The following LHFPL3 variants were observed in gnomAD, a reference collection of about 807,000 sequenced individuals.
The protein encoded by LHFPL3 is LHFPL tetraspan subfamily member 3, also known as LHFPL tetraspan subfamily member 3 protein.
In LHFPL3, 5 loss-of-function variants were observed where a neutral mutation model predicts 19.3. The ratio of observed to expected loss-of-function variants is 0.26; its 90% CI spans 0.14 to 0.54. LHFPL3 has a LOEUF of 0.54. Ranked by LOEUF, LHFPL3 falls within the 20% of genes least tolerant of loss-of-function variation. LHFPL3 has a pLI of 0.94. For missense variants in LHFPL3, 249 were observed against 307.4 expected (o/e 0.81, Z 1.42); for synonymous variants, 133 against 126.2 (o/e 1.05, Z -0.36).
chr7:104,587,190 T>C (rs1014991188), intron 1 of LHFPL3, among the ~76,000 whole-genome samples: 26 of 152,368 alleles, frequency 1.7e-4, no homozygotes, highest in Non-Finnish European at 2.9e-4. Flanking sequence ...TACATATGTA[T>C]ACATGTGCCA....
chr7:104,510,083 C>T (rs1316790154), intron 1 of LHFPL3, among the ~76,000 whole-genome samples: 1 of 150,432 alleles, frequency 6.6e-6, no homozygotes, highest in African/African-American at 2.5e-5. Context: ...TGAGTGAAAT[C>T]TCAAAACTGA....
chr7:104,857,695 TG>T (rs5886336), intron 2 of LHFPL3, among the ~76,000 whole-genome samples: 74,704 of 151,998 alleles, frequency 0.49, 19,121 homozygotes, highest in Non-Finnish European at 0.57. Flanking sequence ...GATTTGAAAC[TG>T]AATCCTCTTT....
At chr7:104,898,891 C>T (rs141510585) in intron 2 of LHFPL3, among the ~76,000 whole-genome samples, 6,225 of 151,976 alleles carry the variant, frequency 0.041, 410 homozygotes, top group African/African-American at 0.14. Context: ...CTGAGGCAGG[C>T]GGATCGCTTG....
chr7:104,892,708 C>CAAA, intron 2 of LHFPL3, among the ~76,000 whole-genome samples: 2 of 68,458 alleles, frequency 2.9e-5, no homozygotes, highest in East Asian at 4.0e-4. Flanking sequence ...GAGACTGTCT[C>CAAA]AAAAAAAAAA....
chr7:104,766,106 T>A (rs1794452441), intron 2 of LHFPL3, among the ~76,000 whole-genome samples: 1 of 152,246 alleles, frequency 6.6e-6, no homozygotes, highest in African/African-American at 2.4e-5. Flanking sequence ...ATCCATATGA[T>A]GATACGGAAT....
intron 1 of LHFPL3, among the ~76,000 whole-genome samples, chr7:104,602,653 T>A (rs1790992598): frequency 6.6e-6 from 1 of 152,230 alleles, no homozygotes; most frequent in South Asian, 2.1e-4. Context: ...TAGAAGAGTT[T>A]CATTCAAATC....
chr7:104,482,813 C>G (rs908849442), intron 1 of LHFPL3, among the ~76,000 whole-genome samples: 1 of 152,218 alleles, frequency 6.6e-6, no homozygotes, highest in African/African-American at 2.4e-5. Flanking sequence ...TCTTGACTGG[C>G]AGCTCCCGGG....
At chr7:104,845,498 T>C in intron 2 of LHFPL3, 1 of 1,506,066 alleles carries the variant, frequency 6.6e-7, no homozygotes, top group Non-Finnish European at 8.8e-7. Context: ...TCCCGCATGT[T>C]TTCTCCGCTG....
chr7:104,414,559 T>C (rs547294365), intron 1 of LHFPL3, among the ~76,000 whole-genome samples: 7 of 152,222 alleles, frequency 4.6e-5, no homozygotes, highest in African/African-American at 1.4e-4. Context: ...ATCAATTAGA[T>C]TGTTCTTTTC....
At chr7:104,871,329 TATAAAGG>T (rs1313142675) in intron 2 of LHFPL3, among the ~76,000 whole-genome samples, 1 of 152,018 alleles carries the variant, frequency 6.6e-6, no homozygotes, top group African/African-American at 2.4e-5. Context: ...AAAAATATGG[TATAAAGG>T]ATAAAGTGTG....
At chr7:104,546,522 C>T (rs929285581) in intron 1 of LHFPL3, among the ~76,000 whole-genome samples, 5 of 152,126 alleles carry the variant, frequency 3.3e-5, no homozygotes, top group Non-Finnish European at 7.4e-5. Flanking sequence ...GAAACTAATA[C>T]TTGGGATGAA....
chr7:104,392,922 G>A (rs1239438126), intron 1 of LHFPL3, among the ~76,000 whole-genome samples: 1 of 152,084 alleles, frequency 6.6e-6, no homozygotes, highest in Non-Finnish European at 1.5e-5. Context: ...TTGGGAGAGT[G>A]TATGTGTCCA....
intron 1 of LHFPL3, among the ~76,000 whole-genome samples, chr7:104,458,740 C>A (rs887818082): frequency 2.7e-5 from 4 of 147,260 alleles, no homozygotes; most frequent in African/African-American, 5.0e-5. Flanking sequence ...AAAAAAAAAA[C>A]CTTTATGTGG....
chr7:104,381,815 C>A (rs1790835067), intron 1 of LHFPL3, among the ~76,000 whole-genome samples: 1 of 152,084 alleles, frequency 6.6e-6, no homozygotes, highest in South Asian at 2.1e-4. Context: ...TTAAAATATC[C>A]TGTTTATTTC....
At chr7:104,342,902 G>C (rs1471285196) in intron 1 of LHFPL3, among the ~76,000 whole-genome samples, 1 of 152,122 alleles carries the variant, frequency 6.6e-6, no homozygotes, top group Non-Finnish European at 1.5e-5. Context: ...GCCACACATA[G>C]TGTGCAGAGA....
chr7:104,339,699 C>A (rs1392396136), intron 1 of LHFPL3, among the ~76,000 whole-genome samples: 2 of 152,192 alleles, frequency 1.3e-5, no homozygotes, highest in African/African-American at 4.8e-5. Context: ...AAATAATTAT[C>A]TATGTATTTT....
chr7:104,559,870 A>G (rs1584401390), intron 1 of LHFPL3, among the ~76,000 whole-genome samples: 1 of 143,026 alleles, frequency 7.0e-6, no homozygotes, highest in Non-Finnish European at 1.5e-5. Flanking sequence ...TACCTAATTT[A>G]TTGAGAGTTT....
intron 1 of LHFPL3, among the ~76,000 whole-genome samples, chr7:104,441,725 G>A (rs906573505): frequency 2.0e-5 from 3 of 152,104 alleles, no homozygotes; most frequent in Non-Finnish European, 2.9e-5. Context: ...ACAGGTGTGC[G>A]CCACCATGCT....
chr7:104,642,493 A>G (rs1791856231), intron 1 of LHFPL3, among the ~76,000 whole-genome samples: 2 of 152,254 alleles, frequency 1.3e-5, no homozygotes, highest in African/African-American at 4.8e-5. Context: ...GAGAACAAAC[A>G]TAAATAAGAA....
Sources: allele counts gnomAD v4.1 joint callset (sites outside exome capture counted in the v4.1 genomes callset), GRCh38; gene constraint gnomAD v4.1.1; transcripts MANE v1.5; gene names NCBI Gene and HGNC (gene_info 2026-07-23, HGNC 2026-07-21).